The following KCNIP1 variants were observed in gnomAD, a reference collection of about 807,000 sequenced individuals.
KCNIP1 encodes potassium voltage-gated channel interacting protein 1.
A neutral mutation model predicts 33.0 loss-of-function variants in KCNIP1; 18 were observed. The ratio of observed to expected loss-of-function variants is 0.55; its 90% CI spans 0.38 to 0.81. The LOEUF (loss-of-function observed/expected upper bound fraction) is 0.81. Among genes scored for constraint, KCNIP1 ranks in the 30% least tolerant of loss-of-function variants. The probability of loss-of-function intolerance (pLI) is 0.00; values close to 1 mark genes in which losing one functional copy is unlikely to be tolerated. For missense variants in KCNIP1, 238 were observed against 271.6 expected, an observed-to-expected ratio of 0.88 and a Z score of 0.87; for synonymous variants, 93 against 98.3, an observed-to-expected ratio of 0.95 and a Z score of 0.32.
At chr5:170,505,289 C>T (rs1754669488) in intron 1 of KCNIP1, among the ~76,000 whole-genome samples, 1 of 152,186 alleles carries the variant, frequency 6.6e-6, no homozygotes, top group African/African-American at 2.4e-5. Flanking sequence ...TCCTTCACCA[C>T]CTGTCCCCAG....
chr5:170,412,388 G>T (rs1755218634), intron 1 of KCNIP1, among the ~76,000 whole-genome samples: 1 of 152,202 alleles, frequency 6.6e-6, no homozygotes, highest in Non-Finnish European at 1.5e-5. Flanking sequence ...GCAGGCAGGA[G>T]GCAGCCATTG....
At chr5:170,612,956 T>A (rs1187619439) in intron 1 of KCNIP1, among the ~76,000 whole-genome samples, 1 of 152,106 alleles carries the variant, frequency 6.6e-6, no homozygotes. Flanking sequence ...TCCTGAAGGT[T>A]CCTCTGCGCC....
At chr5:170,445,707 C>T (rs72836245) in intron 1 of KCNIP1, among the ~76,000 whole-genome samples, 10,600 of 152,210 alleles carry the variant, frequency 0.07, 356 homozygotes, top group Non-Finnish European at 0.079. Context: ...GAATTTCATC[C>T]GGCAACAATT....
At chr5:170,733,024 A>T in intron 6 of KCNIP1, 120 bp downstream of exon 6, 1 of 612,724 alleles carries the variant, frequency 1.6e-6, no homozygotes, top group Non-Finnish European at 3.0e-6. Flanking sequence ...AACAGAAAAG[A>T]ATTATAAGAT....
intron 1 of KCNIP1, among the ~76,000 whole-genome samples, chr5:170,394,334 C>A (rs1754698190): frequency 1.3e-5 from 2 of 152,218 alleles, no homozygotes; most frequent in Non-Finnish European, 2.9e-5. Flanking sequence ...TGTGCATCCT[C>A]CATTAACATG....
chr5:170,368,978 A>C (rs1276435190), intron 1 of KCNIP1, among the ~76,000 whole-genome samples: 2 of 152,256 alleles, frequency 1.3e-5, no homozygotes, highest in Admixed American at 6.5e-5. Context: ...ACAGAGACAG[A>C]GAGAAAATCC....
intron 1 of KCNIP1, among the ~76,000 whole-genome samples, chr5:170,612,829 G>A (rs1255738886): frequency 6.6e-6 from 1 of 152,024 alleles, no homozygotes; most frequent in Admixed American, 6.5e-5. Flanking sequence ...CCCCAAGTGG[G>A]GCAGGCTAGA....
chr5:170,430,578 T>G (rs1755718008), intron 1 of KCNIP1, among the ~76,000 whole-genome samples: 1 of 152,178 alleles, frequency 6.6e-6, no homozygotes, highest in African/African-American at 2.4e-5. Flanking sequence ...CACTTAACAT[T>G]GCTTGGTGCT....
chr5:170,567,691 G>A (rs970561500), intron 1 of KCNIP1, among the ~76,000 whole-genome samples: 2 of 152,240 alleles, frequency 1.3e-5, no homozygotes, highest in African/African-American at 2.4e-5. Context: ...CATGGTGGAT[G>A]TGGATGGAGG....
chr5:170,712,532 T>TTCCCA (rs1763487044), intron 1 of KCNIP1, among the ~76,000 whole-genome samples: 2 of 152,352 alleles, frequency 1.3e-5, no homozygotes, highest in South Asian at 4.1e-4. Context: ...ATGCGAGTGT[T>TTCCCA]TCCAAGGACC....
chr5:170,510,963 C>A (rs1420628280), intron 1 of KCNIP1, among the ~76,000 whole-genome samples: 2 of 152,142 alleles, frequency 1.3e-5, no homozygotes, highest in Non-Finnish European at 2.9e-5. Flanking sequence ...GTAATCCCAG[C>A]AGTTTGGAAG....
At chr5:170,618,632 G>A (rs1220423017) in intron 1 of KCNIP1, among the ~76,000 whole-genome samples, 1 of 151,600 alleles carries the variant, frequency 6.6e-6, no homozygotes, top group Non-Finnish European at 1.5e-5. Context: ...TAACTGAGGA[G>A]TCTGGGGACC....
rs1754600531 is a variant in KCNIP1 at position 170,504,089 on chromosome 5, G to T, written c.-484G>T. The T allele has an allele frequency of 6.1e-6, 6 of 985,750 alleles. No homozygotes were observed. In the South Asian group the frequency reaches 2.8e-4, roughly 46 times the overall value. The allele number at this position is 985,750 out of a possible 1,614,324, so 61.1% of individuals were successfully genotyped here. ...GGCGCGCTGTGGCTCCGCGCCGCGC[G>T]GTCCGGGCTCTGTTCATTCATGATT... On this transcript the variant is annotated 5_prime_UTR_variant, in exon 1 of 8. Coordinates refer to ENST00000328939, the MANE Select transcript of KCNIP1 (RefSeq NM_014592.4). This position sits in a 1 kb window ranked among gnomAD's most constrained non-coding sequence, Gnocchi z 6.0.
chr5:170,666,801 C>G (rs564768025), intron 1 of KCNIP1, among the ~76,000 whole-genome samples: 1 of 152,164 alleles, frequency 6.6e-6, no homozygotes, highest in South Asian at 2.1e-4. Context: ...GTGGTCTGCT[C>G]GCTGGGCCCC....
intron 1 of KCNIP1, among the ~76,000 whole-genome samples, chr5:170,580,984 A>T (rs543811689): frequency 6.6e-6 from 1 of 152,194 alleles, no homozygotes; most frequent in Non-Finnish European, 1.5e-5. Flanking sequence ...TGACCCAAAT[A>T]ACCACTGAGG....
chr5:170,678,257 T>A (rs1762215851), intron 1 of KCNIP1: 1 of 152,234 alleles, frequency 6.6e-6, no homozygotes, highest in African/African-American at 2.4e-5. Flanking sequence ...GCACAGACTT[T>A]GGAGGCAGGT....
chr5:170,368,999 A>C (rs962493509), intron 1 of KCNIP1, among the ~76,000 whole-genome samples: 1 of 152,234 alleles, frequency 6.6e-6, no homozygotes, highest in Admixed American at 6.5e-5. Context: ...AAATATGATA[A>C]AATACTGATC....
At chr5:170,515,249 A>G (rs1371949390) in intron 1 of KCNIP1, among the ~76,000 whole-genome samples, 1 of 152,176 alleles carries the variant, frequency 6.6e-6, no homozygotes, top group Non-Finnish European at 1.5e-5. Flanking sequence ...TGGGACTACA[A>G]TGAGCATTGA....
At chr5:170,383,827 C>T in intron 1 of KCNIP1, 3 of 1,614,066 alleles carry the variant, frequency 1.9e-6, no homozygotes, top group Non-Finnish European at 2.5e-6. Flanking sequence ...AATCAGGTGG[C>T]ACTTGGATTC....
Sources: gnomAD v4.1 joint callset for allele counts (sites outside exome capture counted in the v4.1 genomes callset) on GRCh38, gnomAD v4.1.1 for gene constraint, Gnocchi (gnomAD v3.1) non-coding constraint, MANE v1.5 for transcripts, NCBI Gene and HGNC (gene_info 2026-07-23, HGNC 2026-07-21) for gene names.